The following ZNF493 variants were observed in gnomAD, a reference collection of about 807,000 sequenced individuals.
The protein encoded by ZNF493 is zinc finger protein 493.
ZNF493 carries 11 observed loss-of-function variants against 12.2 expected under a neutral mutation model. The observed-to-expected ratio is 0.90, with a 90% confidence interval of 0.57 to 1.50. The LOEUF (loss-of-function observed/expected upper bound fraction) is 1.50, where lower values mean the gene tolerates loss of function less well. Ranked by LOEUF, ZNF493 falls within the 40% of genes most tolerant of loss-of-function variation. The pLI is 0.00. For synonymous variants in ZNF493, 286 were observed against 302.6 expected, an observed-to-expected ratio of 0.95 and a Z score of 0.57; for missense variants, 950 against 906.6, an observed-to-expected ratio of 1.05 and a Z score of -0.61.
chr19:21,422,787 A>T, intron 3 of ZNF493, 126 bp from the exon 4 acceptor site: 1 of 789,624 alleles, frequency 1.3e-6, no homozygotes, highest in Non-Finnish European at 1.9e-6. Context: ...ATAAAGAATT[A>T]GAGCCTTTGG....
chr19:21,405,657 A>C, intron 2 of ZNF493, 104 bp from the exon 3 acceptor site: 1 of 1,116,956 alleles, frequency 9.0e-7, no homozygotes, highest in South Asian at 2.0e-5. Flanking sequence ...TTTTGGGATA[A>C]ATTTTCTAGA....
intron 3 of ZNF493, among the ~76,000 whole-genome samples, chr19:21,406,864 C>A (rs1047440789): frequency 6.6e-6 from 1 of 151,800 alleles, no homozygotes; most frequent in Non-Finnish European, 1.5e-5. Context: ...TTTGCTGAAT[C>A]TATAGATTAC....
intron 3 of ZNF493, among the ~76,000 whole-genome samples, chr19:21,409,248 A>G (rs1306422316): frequency 6.6e-6 from 1 of 152,134 alleles, no homozygotes; most frequent in Non-Finnish European, 1.5e-5. Context: ...ATGTGTAGTC[A>G]TGTAAATATT....
intron 3 of ZNF493, among the ~76,000 whole-genome samples, chr19:21,415,077 A>T (rs1161730351): frequency 6.6e-6 from 1 of 152,092 alleles, no homozygotes; most frequent in East Asian, 1.9e-4. Flanking sequence ...TAGCGATTTG[A>T]TTTAAATAAG....
In ZNF493 at chr19:21,424,037, C is replaced by A; in HGVS notation, c.1378C>A (p.Pro460Thr). The change falls in exon 4 of 4, where the codon CCC (proline) becomes ACC (threonine). Residue 460 changes from proline to threonine, a missense_variant. Coordinates refer to ENST00000392288, the MANE Select transcript of ZNF493 (RefSeq NM_001076678.3). ...TAAAATAATTCATACAGAAGAGAAACCCTACAAATGTGAAGAATGTGGCAA... is the reference window on the plus strand; with the variant it reads ...TAAAATAATTCATACAGAAGAGAAAACCTACAAATGTGAAGAATGTGGCAA... Reference protein sequence around the residue: ...KHKIIHTEEKPYKCEECGKAF... With the variant: ...KHKIIHTEEKTYKCEECGKAF... 5 of 1,613,282 alleles carry A rather than the reference C, an allele frequency of 3.1e-6. No homozygotes were observed. The highest frequency in any genetic ancestry group is 2.2e-5 in the East Asian group (1 of 44,796).
chr19:21,419,327 G>C (rs1458306245), intron 3 of ZNF493, among the ~76,000 whole-genome samples: 1 of 152,098 alleles, frequency 6.6e-6, no homozygotes, highest in Admixed American at 6.6e-5. Context: ...TACCACAGGG[G>C]CCTTGTATTA....
At chr19:21,400,172 G>T (rs572266055) in intron 1 of ZNF493, among the ~76,000 whole-genome samples, 69 of 152,316 alleles carry the variant, frequency 4.5e-4, no homozygotes, top group Admixed American at 1.0e-3. Flanking sequence ...AGCACTTTGG[G>T]AGTCTGAGGC....
intron 3 of ZNF493, chr19:21,412,929 T>C: frequency 4.6e-6 from 2 of 437,444 alleles, no homozygotes; most frequent in Non-Finnish European, 4.5e-6. Flanking sequence ...TCATTTGAGG[T>C]CGAGGTGCCA....
intron 3 of ZNF493, among the ~76,000 whole-genome samples, chr19:21,406,524 GA>G (rs1198377149): frequency 6.6e-6 from 1 of 152,076 alleles, no homozygotes; most frequent in East Asian, 1.9e-4. Flanking sequence ...TGTTTTGGGG[GA>G]CACACAAATA....
At chr19:21,416,343 C>G (rs1044300091) in intron 3 of ZNF493, among the ~76,000 whole-genome samples, 2 of 152,064 alleles carry the variant, frequency 1.3e-5, no homozygotes, top group African/African-American at 4.8e-5. Flanking sequence ...CTTGTGCTCC[C>G]CATTGTTGTA....
intron 1 of ZNF493, among the ~76,000 whole-genome samples, chr19:21,401,247 G>A (rs1368943013): frequency 6.6e-6 from 1 of 152,096 alleles, no homozygotes; most frequent in Non-Finnish European, 1.5e-5. Flanking sequence ...TTTACTTGAG[G>A]AGTAACATTT....
At position 21,424,447 on chromosome 19, in the gene ZNF493, T is replaced by G. The variant is rs778929203; in HGVS notation, c.1788T>G (p.Thr596=). The change falls in exon 4 of 4, where the codon ACT becomes ACG. Residue 596 remains threonine, a synonymous_variant. Coordinates refer to ENST00000392288, the MANE Select transcript of ZNF493 (RefSeq NM_001076678.3). The part of the protein sequence containing the change: ...STLTKHKIIH[T]DKKPYKCEEC... ...TTACTAAACACAAGATAATTCATAC[T>G]GATAAGAAACCCTACAAATGTGAAG... The G allele has an allele frequency of 1.2e-6, 2 of 1,613,188 alleles. No individual in the cohort carries two copies. Among genetic ancestry groups the G allele is most frequent in the Admixed American group, 1.7e-5 (1 of 59,900 alleles).
At chr19:21,416,666 T>C (rs543112227) in intron 3 of ZNF493, among the ~76,000 whole-genome samples, 15 of 152,172 alleles carry the variant, frequency 9.9e-5, no homozygotes, top group Non-Finnish European at 1.9e-4. Flanking sequence ...CCTTGTTTAT[T>C]TGTGCTTCCA....
Position 21,427,104 on chromosome 19 carries a change from G to C in ZNF493, c.*2120G>C, listed in dbSNP as rs927846251. ...TGAGAGATTCTTCTTCATTAGATGG[G>C]CATTATTTATGATCTTTTCTATGGA... On this transcript the variant is annotated 3_prime_UTR_variant, in exon 4 of 4. Coordinates refer to ENST00000392288, the MANE Select transcript of ZNF493 (RefSeq NM_001076678.3). 6.0e-6 allele frequency: 1 copy of C among 166,810 alleles called. No homozygotes were observed. The highest frequency in any genetic ancestry group is 1.9e-4 in the East Asian group (1 of 5,196). The allele number at this position is 166,810 out of a possible 1,614,324, so 10.3% of individuals were successfully genotyped here.
rs191226196 is a variant in ZNF493 at position 21,426,812 on chromosome 19, G to A, written c.*1828G>A. On this transcript the variant is annotated 3_prime_UTR_variant, in exon 4 of 4. Coordinates refer to ENST00000392288, the MANE Select transcript of ZNF493 (RefSeq NM_001076678.3). ...ATTTATAGTAGAAATATATGAGGAA[G>A]CGACACTTCGAATATTCTACTAAAT... The A allele has an allele frequency of 9.6e-5, 16 of 167,112 alleles. No homozygotes were observed. The East Asian group carries it at 1.3e-3, about 14-fold the overall frequency. 10.4% of individuals were successfully genotyped at this position (167,112 alleles called of 1,614,324 possible).
intron 3 of ZNF493, chr19:21,414,508 CG>C (rs1185979030): frequency 1.3e-5 from 2 of 152,182 alleles, no homozygotes; most frequent in African/African-American, 4.8e-5. Context: ...GGTGTATGAG[CG>C]AGCCCTAATG....
chr19:21,424,010 CATAAA>C lies in ZNF493; in HGVS notation c.1356_1360del (p.Lys452AsnfsTer11). The C allele has an allele frequency of 1.2e-6, 2 of 1,613,400 alleles. No homozygotes were observed. Among genetic ancestry groups the C allele is most frequent in the East Asian group, 4.5e-5 (2 of 44,810 alleles). On this transcript the variant is annotated frameshift_variant, in exon 4 of 4. Coordinates refer to ENST00000392288, the MANE Select transcript of ZNF493 (RefSeq NM_001076678.3). LOFTEE classifies it low-confidence loss of function (END_TRUNC). ...TAGTGTATTCTCAATTCTTACTAAACATAAAATAATTCATACAGAAGAGAAACCCT... is the reference window on the plus strand; with the variant it reads ...TAGTGTATTCTCAATTCTTACTAAACATAATTCATACAGAAGAGAAACCCT...
intron 3 of ZNF493, among the ~76,000 whole-genome samples, 159 bp from the exon 4 acceptor site, chr19:21,422,754 T>C (rs2030718110): frequency 6.6e-6 from 1 of 152,190 alleles, no homozygotes; most frequent in Admixed American, 6.6e-5. Flanking sequence ...AGATATATTT[T>C]GGTTAGTATG....
chr19:21,405,311 G>A lies in ZNF493; in HGVS notation c.157+56G>A, dbSNP rs189143455. The A allele has an allele frequency of 1.1e-5, 17 of 1,557,342 alleles. No individual in the cohort carries two copies. The East Asian group carries it at 3.2e-4, about 29-fold the overall frequency. ...TATACCCTAAAGTTTTCATTTCTCT[G>A]TTTTCATAGAATAATTTTTGGTAAT... On this transcript the variant is annotated intron_variant, in intron 2 of 3. Transcript: ENST00000392288.
Sources: gnomAD v4.1 joint callset for allele counts (sites outside exome capture counted in the v4.1 genomes callset) on GRCh38, gnomAD v4.1.1 for gene constraint, MANE v1.5 for transcripts, NCBI Gene and HGNC (gene_info 2026-07-23, HGNC 2026-07-21) for gene names.